Variants in LIPI observed in about 807,000 individuals in gnomAD.
The protein encoded by LIPI is lipase member I.
Under a neutral mutation model 50.6 loss-of-function variants are expected in LIPI, and 59 were observed. The observed-to-expected ratio is 1.16, with a 90% CI of 0.94 to 1.45. The LOEUF (loss-of-function observed/expected upper bound fraction) is 1.45. LIPI is among the 40% of genes most tolerant of loss of function. LIPI has a pLI of 0.00. For missense variants in LIPI, 586 were observed against 536.3 expected, an observed-to-expected ratio of 1.09 and a Z score of -0.92; for synonymous variants, 203 against 178.2, an observed-to-expected ratio of 1.14 and a Z score of -1.11.
chr21:14,144,736 A>C lies in LIPI; in HGVS notation c.1182T>G (p.Phe394Leu), dbSNP rs1363654442. 3.8e-6 allele frequency: 6 copies of C among 1,577,390 alleles called. No homozygotes were observed. Among genetic ancestry groups the C allele is most frequent in the Non-Finnish European group, 5.2e-6 (6 of 1,147,168 alleles). Reference protein sequence around the residue: ...VKILAQFYNDFVNISSIGLTY... With the variant: ...VKILAQFYNDLVNISSIGLTY... ...TCAAACCAATGCTTGAAATATTTACAAAGTCATTATAAAATTGAGCAAGAA... is the reference window on the plus strand; with the variant it reads ...TCAAACCAATGCTTGAAATATTTACCAAGTCATTATAAAATTGAGCAAGAA... The change falls in exon 9 of 10, where the codon TTT (phenylalanine) becomes TTG (leucine). Residue 394 changes from phenylalanine to leucine, a missense_variant. Coordinates refer to ENST00000681601, the MANE Select transcript of LIPI (RefSeq NM_001302998.2).
rs973338814 is a variant in LIPI, at chr21:14,158,499, A to G, written c.1006+4920T>C. On this transcript the variant is annotated intron_variant, in intron 7 of 9. Coordinates refer to ENST00000681601, the MANE Select transcript of LIPI (RefSeq NM_001302998.2). Reference sequence around the variant, plus strand: ...AGAAATGAAGAAATATCTGAGGCCAATAATTTAAGTTTCTGCCTCAAGAAA... The same window carrying G: ...AGAAATGAAGAAATATCTGAGGCCAGTAATTTAAGTTTCTGCCTCAAGAAA... Among the ~76,000 whole-genome samples, 3 of 151,452 alleles carry G rather than the reference A, an allele frequency of 2.0e-5. No individual in the cohort carries two copies. In the South Asian group the frequency reaches 6.2e-4, roughly 31 times the overall value.
chr21:14,178,617 AT>A (rs2019170649), intron 4 of LIPI, among the ~76,000 whole-genome samples: 1 of 152,148 alleles, frequency 6.6e-6, no homozygotes, highest in Admixed American at 6.6e-5. Flanking sequence ...TTTTGAAAAT[AT>A]TAATAGCAAA....
At chr21:14,206,949 T>C in intron 1 of LIPI, 17 of 1,414,366 alleles carry the variant, frequency 1.2e-5, no homozygotes, top group Non-Finnish European at 1.7e-5. Flanking sequence ...AGAAGTTCAC[T>C]AGCTCTTTGT....
intron 2 of LIPI, 152 bp from the exon 3 acceptor site, chr21:14,186,221 A>T: frequency 5.0e-6 from 3 of 602,198 alleles, no homozygotes; most frequent in Non-Finnish European, 5.9e-6. Context: ...TTTCAAGATG[A>T]CTATATATTT....
At chr21:14,116,746 C>A (rs2123317823) in intron 9 of LIPI, among the ~76,000 whole-genome samples, 1 of 152,210 alleles carries the variant, frequency 6.6e-6, no homozygotes, top group South Asian at 2.1e-4. Flanking sequence ...GTGATTCAGA[C>A]CCGTCCAAAA....
intron 1 of LIPI, among the ~76,000 whole-genome samples, chr21:14,203,803 A>G (rs1011210598): frequency 2.0e-5 from 3 of 151,996 alleles, no homozygotes; most frequent in African/African-American, 7.2e-5. Context: ...ATACATATGT[A>G]ACTAACCTGC....
At chr21:14,181,968 G>A (rs2019288341) in intron 3 of LIPI, 109 bp from the exon 4 acceptor site, 2 of 701,154 alleles carry the variant, frequency 2.9e-6, no homozygotes, top group Non-Finnish European at 5.2e-6. Flanking sequence ...TATACTTTTA[G>A]TTTAAACCTA....
chr21:14,174,272 A>C (rs572503451), intron 4 of LIPI, among the ~76,000 whole-genome samples: 1 of 152,288 alleles, frequency 6.6e-6, no homozygotes, highest in Non-Finnish European at 1.5e-5. Context: ...TAGATCATTC[A>C]TTCTCTTGGT....
At chr21:14,147,715 T>C (rs570651839) in intron 8 of LIPI, among the ~76,000 whole-genome samples, 25 of 152,300 alleles carry the variant, frequency 1.6e-4, no homozygotes, top group African/African-American at 6.0e-4. Context: ...GCATTATACT[T>C]TTTAAATAGT....
chr21:14,115,662 T>A (rs2016601418), intron 9 of LIPI, among the ~76,000 whole-genome samples: 1 of 152,002 alleles, frequency 6.6e-6, no homozygotes, highest in South Asian at 2.1e-4. Context: ...AGGAGAACGG[T>A]TTTCCCGTGT....
At chr21:14,184,585 C>G (rs973933726) in intron 3 of LIPI, among the ~76,000 whole-genome samples, 1 of 152,084 alleles carries the variant, frequency 6.6e-6, no homozygotes, top group Non-Finnish European at 1.5e-5. Flanking sequence ...TTTTATTTAA[C>G]CCACTTGACT....
At chr21:14,161,587 TC>T (rs1319794027) in intron 7 of LIPI, among the ~76,000 whole-genome samples, 4 of 117,578 alleles carry the variant, frequency 3.4e-5, no homozygotes, top group African/African-American at 1.0e-4. Flanking sequence ...ATAATATATA[TC>T]TATATAATAT....
rs3048482 is a variant in LIPI, at chr21:14,146,772, A to ATTTTTTTTTTTTTTTTTT, written c.1119-1991_1119-1974dup. ...TCTCTTTCTTACTTTCCCAGTCTCT[A>ATTTTTTTTTTTTTTTTTT]TTTTTTTTTTTTTTTTTTTTTTTTT... On this transcript the variant is annotated intron_variant, in intron 8 of 9. Transcript: ENST00000681601. Among the ~76,000 whole-genome samples, 15 of 73,384 alleles carry ATTTTTTTTTTTTTTTTTT rather than the reference A, an allele frequency of 2.0e-4. 2 individuals are homozygous for ATTTTTTTTTTTTTTTTTT. The highest frequency in any genetic ancestry group is 6.0e-4 in the African/African-American group (10 of 16,548). 48.1% of individuals were successfully genotyped at this position (73,384 alleles called of 152,430 possible). A position where few individuals can be genotyped will look rare whatever the true frequency, so the allele number is the denominator to read the frequency against.
intron 9 of LIPI, among the ~76,000 whole-genome samples, chr21:14,134,659 C>G (rs2017423425): frequency 6.6e-6 from 1 of 151,976 alleles, no homozygotes. Flanking sequence ...CAACTGATCT[C>G]CAACAAAGTC....
At chr21:14,208,890 A>G (rs1273879802) in intron 1 of LIPI, among the ~76,000 whole-genome samples, 2 of 152,162 alleles carry the variant, frequency 1.3e-5, no homozygotes, top group South Asian at 2.1e-4. Context: ...TGTCTCTCCA[A>G]AAATTACAAA....
At position 14,189,083 on chromosome 21, in the gene LIPI, T is replaced by C. The variant is rs770557824; in HGVS notation, c.383A>G (p.Asn128Ser). 1 of 1,610,786 alleles carries C rather than the reference T, an allele frequency of 6.2e-7. No homozygotes were observed. Among genetic ancestry groups the C allele is most frequent in the African/African-American group, 1.3e-5 (1 of 74,926 alleles). The change falls in exon 2 of 10, where the codon AAC becomes AGC. Residue 128 changes from asparagine (N) to serine (S), a missense_variant. Asn to Ser is a conservative substitution (Grantham distance 46). Coordinates refer to ENST00000681601, the MANE Select transcript of LIPI (RefSeq NM_001302998.2). ...CAAACTCACAGCAACTTTTCTGGTG[T>C]TTTTAACTGCTCTATTATAAATAAA... The part of the protein sequence containing the change: ...TTFIYNRAVK[N>S]TRKVAVSLSV...
At chr21:14,123,891 G>C (rs893975816) in intron 9 of LIPI, among the ~76,000 whole-genome samples, 1 of 152,192 alleles carries the variant, frequency 6.6e-6, no homozygotes, top group African/African-American at 2.4e-5. Context: ...GGAGGAGTTT[G>C]TGGCAAGCTT....
chr21:14,164,257 C>T (rs745416198), intron 6 of LIPI, among the ~76,000 whole-genome samples: 8 of 152,024 alleles, frequency 5.3e-5, no homozygotes, highest in Middle Eastern at 3.4e-3. Flanking sequence ...CTAACTTATG[C>T]CTTTATGTGA....
Position 14,165,410 on chromosome 21 carries a change from A to C in LIPI, c.734-20T>G, listed in dbSNP as rs769795834. The C allele has an allele frequency of 2.2e-5, 34 of 1,574,146 alleles. No homozygotes were observed. The African/African-American group carries it at 2.6e-4, about 12-fold the overall frequency. Reference sequence around the variant, plus strand: ...GAATTCCTTAAGGGTTAAAAAAAAAACAAAGAACTGTAGATGTATTAAGCC... The same window carrying C: ...GAATTCCTTAAGGGTTAAAAAAAAACCAAAGAACTGTAGATGTATTAAGCC... On this transcript the variant is annotated intron_variant, in intron 5 of 9. Transcript: ENST00000681601.
Sources: allele counts gnomAD v4.1 joint callset (sites outside exome capture counted in the v4.1 genomes callset), GRCh38; gene constraint gnomAD v4.1.1; transcripts MANE v1.5; gene names NCBI Gene and HGNC (gene_info 2026-07-23, HGNC 2026-07-21).